The following IQCK variants were observed in gnomAD, a reference collection of about 807,000 sequenced individuals.
IQCK encodes the protein IQ domain-containing protein K.
A neutral mutation model predicts 28.1 loss-of-function variants in IQCK; 29 were observed. The ratio of observed to expected loss-of-function variants is 1.03; its 90% CI spans 0.77 to 1.41. The LOEUF (loss-of-function observed/expected upper bound fraction) is 1.41. Among genes scored for constraint, IQCK ranks in the 40% most tolerant of loss-of-function variants. The pLI is 0.00. For missense variants in IQCK, 359 were observed against 314.7 expected, an observed-to-expected ratio of 1.14 and a Z score of -1.07; for synonymous variants, 113 against 115.1, an observed-to-expected ratio of 0.98 and a Z score of 0.12.
chr16:19,764,507 A>T (rs939204748), intron 6 of IQCK, among the ~76,000 whole-genome samples: 22 of 152,256 alleles, frequency 1.4e-4, no homozygotes, highest in Admixed American at 7.9e-4. Context: ...CATTTTTAAT[A>T]TAATAAAGAA....
intron 7 of IQCK, among the ~76,000 whole-genome samples, chr16:19,799,593 T>C (rs1487437856): frequency 9.7e-6 from 1 of 103,108 alleles, no homozygotes; most frequent in East Asian, 2.4e-4. Flanking sequence ...TATATATATA[T>C]ATATACACAC....
At chr16:19,762,872 C>T (rs1002509927) in intron 4 of IQCK, among the ~76,000 whole-genome samples, 1 of 152,002 alleles carries the variant, frequency 6.6e-6, no homozygotes, top group African/African-American at 2.4e-5. Flanking sequence ...AAAAATTAGC[C>T]AGGCGTGGTG....
At chr16:19,812,056 C>T (rs374528112) in intron 7 of IQCK, among the ~76,000 whole-genome samples, 100 of 148,778 alleles carry the variant, frequency 6.7e-4, no homozygotes, top group Non-Finnish European at 9.9e-4. Flanking sequence ...GGTGCAAACT[C>T]GGCTCACTGC....
exon 10 of IQCK, chr16:19,856,873 G>C (rs2056569350): frequency 4.1e-6 from 1 of 242,060 alleles, no homozygotes; most frequent in African/African-American, 2.3e-5. Flanking sequence ...ATACAGAAGT[G>C]CTCTTATTAC....
chr16:19,849,757 T>A (rs1407596344), intron 9 of IQCK, among the ~76,000 whole-genome samples: 2 of 147,996 alleles, frequency 1.4e-5, no homozygotes, highest in African/African-American at 5.0e-5. Flanking sequence ...TGACACCCTG[T>A]CTCTGAAAAA....
intron 7 of IQCK, among the ~76,000 whole-genome samples, chr16:19,793,643 GTTTTTTT>G (rs1285541664): frequency 2.3e-4 from 14 of 61,798 alleles, no homozygotes; most frequent in African/African-American, 3.1e-4. Context: ...TCTCAGTTGG[GTTTTTTT>G]TTTTTTTTTT....
intron 9 of IQCK, among the ~76,000 whole-genome samples, chr16:19,832,437 G>GT (rs1420149714): frequency 2.0e-5 from 3 of 151,900 alleles, no homozygotes; most frequent in Non-Finnish European, 4.4e-5. Flanking sequence ...TTGCTTAACT[G>GT]TTTTATTTCC....
At chr16:19,729,177 C>T (rs1022074883) in intron 1 of IQCK, among the ~76,000 whole-genome samples, 1 of 152,198 alleles carries the variant, frequency 6.6e-6, no homozygotes, top group African/African-American at 2.4e-5. Context: ...CTCGCTGTGT[C>T]GCTGACTGAA....
chr16:19,823,454 G>A (rs1019102170), intron 7 of IQCK, among the ~76,000 whole-genome samples: 4 of 152,118 alleles, frequency 2.6e-5, no homozygotes, highest in Non-Finnish European at 5.9e-5. Flanking sequence ...CTATCAGACC[G>A]GCTGGTCTGA....
intron 7 of IQCK, among the ~76,000 whole-genome samples, chr16:19,804,107 T>C (rs1450986303): frequency 6.6e-6 from 1 of 152,064 alleles, no homozygotes; most frequent in Admixed American, 6.6e-5. Context: ...TCCCAGCACT[T>C]TGGGAAGCCG....
Position 19,815,245 on chromosome 16 carries a change from C to G in IQCK, c.691-11781C>G, listed in dbSNP as rs146025485. Among the ~76,000 whole-genome samples, 6 of 152,298 alleles carry G rather than the reference C, an allele frequency of 3.9e-5. No homozygotes were observed. In the East Asian group the frequency reaches 1.2e-3, roughly 29 times the overall value. On this transcript the variant is annotated intron_variant, in intron 7 of 7. Coordinates refer to ENST00000564186, the Ensembl canonical transcript of IQCK. ...TGCTGCTCTAGAACACACTTCTAAA[C>G]CTCCCTGAAAGCCCCAAGTAACTCT...
chr16:19,851,411 A>T lies in IQCK; in HGVS notation c.803-5076A>T, dbSNP rs548836396. On this transcript the variant is annotated intron_variant, in intron 9 of 9. Coordinates refer to the IQCK transcript ENST00000320394. ...TGAGGCCCTGTCTGGACAACATTGT[A>T]TGAGTGGCCGGATGACCCTGTGGTC... 2.6e-5 allele frequency among the ~76,000 whole-genome samples: 4 copies of T among 152,246 alleles called. No individual in the cohort carries two copies. In the East Asian group the frequency reaches 7.7e-4, roughly 29 times the overall value.
At chr16:19,830,022 T>C (rs983844802), downstream of IQCK, among the ~76,000 whole-genome samples, 40 of 85,686 alleles carry the variant, frequency 4.7e-4, 1 homozygote, top group Admixed American at 2.4e-3. Context: ...AACGAATGAA[T>C]GAATGAATGA....
At chr16:19,826,381 CTTGT>C (rs749817691) in intron 7 of IQCK, among the ~76,000 whole-genome samples, 3 of 151,036 alleles carry the variant, frequency 2.0e-5, no homozygotes, top group Non-Finnish European at 4.4e-5. Flanking sequence ...GAGATATATT[CTTGT>C]TTGTTTGTTT....
At chr16:19,762,676 C>T (rs2055165510) in intron 4 of IQCK, among the ~76,000 whole-genome samples, 3 of 152,098 alleles carry the variant, frequency 2.0e-5, no homozygotes, top group Admixed American at 2.0e-4. Flanking sequence ...ATACAGTTGA[C>T]TCCTAAACAA....
chr16:19,845,988 G>C (rs568974594), intron 9 of IQCK, among the ~76,000 whole-genome samples: 1 of 152,176 alleles, frequency 6.6e-6, no homozygotes, highest in South Asian at 2.1e-4. Context: ...AGGTGGGGGG[G>C]ATCACCTGAG....
At chr16:19,751,692 A>G (rs1294639633) in intron 4 of IQCK, among the ~76,000 whole-genome samples, 1 of 151,658 alleles carries the variant, frequency 6.6e-6, no homozygotes, top group Non-Finnish European at 1.5e-5. Flanking sequence ...AGAGCTTGGC[A>G]TGCCTTCTCC....
chr16:19,782,853 A>ATCC (rs1437695969), intron 6 of IQCK, among the ~76,000 whole-genome samples: 8 of 152,328 alleles, frequency 5.3e-5, no homozygotes, highest in African/African-American at 1.7e-4. Flanking sequence ...ACGTCCTGCA[A>ATCC]ATCTTTCACT....
chr16:19,781,802 A>G (rs1367734554), intron 6 of IQCK, among the ~76,000 whole-genome samples: 1 of 152,174 alleles, frequency 6.6e-6, no homozygotes, highest in Non-Finnish European at 1.5e-5. Context: ...CAGCCTGGCC[A>G]ACATGGTGAA....
Sources: gnomAD v4.1 joint callset for allele counts (sites outside exome capture counted in the v4.1 genomes callset) on GRCh38, gnomAD v4.1.1 for gene constraint, MANE v1.5 for transcripts, NCBI Gene and HGNC (gene_info 2026-07-23, HGNC 2026-07-21) for gene names.